Variants in BRD3 observed in about 807,000 individuals in gnomAD.
BRD3 encodes the protein bromodomain-containing protein 3.
Under a neutral mutation model 66.8 loss-of-function variants are expected in BRD3, and 17 were observed. That is an observed-to-expected ratio of 0.25 (90% CI 0.17 to 0.38). BRD3 has a LOEUF of 0.38. BRD3 is among the 10% of genes least tolerant of loss of function. BRD3 has a pLI of 1.00. For missense variants in BRD3, 713 were observed against 956.1 expected, an observed-to-expected ratio of 0.75 and a Z score of 3.35; for synonymous variants, 421 against 393.2, an observed-to-expected ratio of 1.07 and a Z score of -0.84.
chr9:134,039,598 C>T (rs1313883952), intron 9 of BRD3, among the ~76,000 whole-genome samples: 2 of 152,214 alleles, frequency 1.3e-5, no homozygotes, highest in Non-Finnish European at 2.9e-5. Context: ...CTGCATGTCC[C>T]TAGCAGACGC....
At chr9:134,048,892 A>G (rs1830232456) in intron 5 of BRD3, among the ~76,000 whole-genome samples, 1 of 152,206 alleles carries the variant, frequency 6.6e-6, no homozygotes, top group South Asian at 2.1e-4. Context: ...AGTTCCAGAC[A>G]AGGGCCTGAG....
At chr9:134,067,151 G>T (rs1207858747) in intron 1 of BRD3, among the ~76,000 whole-genome samples, 1 of 152,252 alleles carries the variant, frequency 6.6e-6, no homozygotes, top group Non-Finnish European at 1.5e-5. Flanking sequence ...AAAGTGGGAA[G>T]GAGGGGAAGC....
chr9:134,053,439 C>T lies in BRD3; in HGVS notation c.39G>A (p.Pro13=), dbSNP rs768465131. 5.0e-6 allele frequency: 8 copies of T among 1,609,838 alleles called. No homozygotes were observed. Among genetic ancestry groups the T allele is most frequent in the African/African-American group, 1.3e-5 (1 of 74,872 alleles). Residue 13 remains proline, a synonymous_variant, in exon 2 of 12, where the codon CCG becomes CCA. Transcript: ENST00000303407. The part of the protein sequence containing the change: ...TATTVAPAGI[P]ATPGPVNPPP... ...GTGGGTTCACAGGGCCCGGGGTCGC[C>T]GGGATCCCCGCGGGGGCGACTGTCG... is the stretch of plus-strand genomic sequence containing the variant.
chr9:134,042,390 C>A (rs1300494321), intron 7 of BRD3, among the ~76,000 whole-genome samples: 1 of 152,242 alleles, frequency 6.6e-6, no homozygotes, highest in Non-Finnish European at 1.5e-5. Context: ...CCGGAACTGA[C>A]TGCAGCATCA....
chr9:134,040,351 G>A, intron 8 of BRD3, 82 bp from the exon 9 acceptor site: 4 of 1,482,014 alleles, frequency 2.7e-6, no homozygotes, highest in Non-Finnish European at 3.6e-6. Flanking sequence ...ATTGGAGGGG[G>A]CTTGGGGCGA....
chr9:134,040,097 G>C lies in BRD3; in HGVS notation c.1580C>G (p.Ala527Gly). 1 of 1,584,634 alleles carries C rather than the reference G, an allele frequency of 6.3e-7. No individual in the cohort carries two copies. Among genetic ancestry groups the C allele is most frequent in the Non-Finnish European group, 8.6e-7 (1 of 1,166,530 alleles). Residue 527 changes from alanine (A) to glycine (G), a missense_variant, in exon 9 of 12, where the codon GCC becomes GGC. Physicochemically the swap from Ala to Gly is moderately conservative, Grantham distance 60 (BLOSUM62 0). Transcript: ENST00000303407. ...AGCCTTCTTCTGCTGAGCCTGCTTGGCAGGCGGAGCCACCTTGGCCTTCTT... is the reference window on the plus strand; with the variant it reads ...AGCCTTCTTCTGCTGAGCCTGCTTGCCAGGCGGAGCCACCTTGGCCTTCTT... ...EEKKAKVAPP[A>G]KQAQQKKAPA...
At chr9:134,051,501 C>A in intron 4 of BRD3, 61 bp downstream of exon 4, 1 of 1,446,942 alleles carries the variant, frequency 6.9e-7, no homozygotes. Context: ...GCGTCCCAGC[C>A]CATCCACCCG....
intron 3 of BRD3, among the ~76,000 whole-genome samples, 171 bp from the exon 4 acceptor site, chr9:134,051,880 G>GTTTTTTTTTTT (rs777755860): frequency 8.8e-6 from 1 of 113,660 alleles, no homozygotes; most frequent in African/African-American, 3.6e-5. Context: ...TGTGTGTGTT[G>GTTTTTTTTTTT]TTTTTTTTGT....
intron 3 of BRD3, among the ~76,000 whole-genome samples, 173 bp from the exon 4 acceptor site, chr9:134,051,882 TTTTTTTG>T (rs1177013478): frequency 4.9e-4 from 28 of 56,570 alleles, no homozygotes; most frequent in African/African-American, 1.3e-3. Flanking sequence ...TGTGTGTTGT[TTTTTTTG>T]TTTTTTTTTT....
Position 134,034,788 on chromosome 9 carries a change from GCTC to G in BRD3, c.1975_1977del (p.Glu659del). On this transcript the variant is annotated inframe_deletion, in exon 11 of 12. Transcript: ENST00000303407. Reference sequence around the variant, plus strand: ...AGCTCCTTCTTCTTTTCCTGAGCTAGCTCCTCTTTCGACTTGGCTGCCTGTTTC... The same window carrying G: ...AGCTCCTTCTTCTTTTCCTGAGCTAGCTCTTTCGACTTGGCTGCCTGTTTC... The G allele has an allele frequency of 6.2e-7, 1 of 1,612,228 alleles. No homozygotes were observed. Among genetic ancestry groups the G allele is most frequent in the Non-Finnish European group, 8.5e-7 (1 of 1,180,022 alleles).
chr9:134,048,720 C>T (rs1453079917), intron 5 of BRD3, among the ~76,000 whole-genome samples: 1 of 152,278 alleles, frequency 6.6e-6, no homozygotes, highest in East Asian at 1.9e-4. Flanking sequence ...ACCTCTCTCC[C>T]TTAGCCCCGA....
At chr9:134,041,182 A>G (rs73558795) in intron 8 of BRD3, among the ~76,000 whole-genome samples, 4,786 of 152,344 alleles carry the variant, frequency 0.031, 184 homozygotes, top group African/African-American at 0.084. Context: ...CTGGGGTCCC[A>G]GAAATCATGC....
Position 134,032,723 on chromosome 9 carries a change from G to A in BRD3, c.*867C>T, listed in dbSNP as rs774505694. 8.0e-4 allele frequency: 189 copies of A among 236,076 alleles called. 1 individual carries two copies. The highest frequency in any genetic ancestry group is 3.9e-3 in the Admixed American group (70 of 17,834). The allele number at this position is 236,076 out of a possible 1,614,324, so 14.6% of individuals were successfully genotyped here. ...TAACTATTTATATACACATAAGCTC[G>A]GGAAGTGGTTCCCAAGGGTGGCGCG... On this transcript the variant is annotated 3_prime_UTR_variant, in exon 12 of 12. Transcript: ENST00000303407.
chr9:134,042,685 ACAC>A (rs1210192358), intron 7 of BRD3, among the ~76,000 whole-genome samples: 2 of 135,096 alleles, frequency 1.5e-5, no homozygotes, highest in Non-Finnish European at 3.3e-5. Context: ...ATATACACAC[ACAC>A]ACATATACAC....
rs114928271 is a variant in BRD3, at chr9:134,063,943, A to C, written c.-114+4002T>G. ...TACCGGATTAACTTCTGACGAACTC[A>C]GTACCTTGGGGGCCTGCGGCAAGGA... On this transcript the variant is annotated intron_variant, in intron 1 of 11. Coordinates refer to ENST00000303407, the MANE Select transcript of BRD3 (RefSeq NM_007371.4). Among the ~76,000 whole-genome samples, 1,025 of 152,230 alleles carry C rather than the reference A, an allele frequency of 6.7e-3. 16 individuals are homozygous for C. The highest frequency in any genetic ancestry group is 0.024 in the African/African-American group (980 of 41,540).
chr9:134,032,588 G>A lies in BRD3; in HGVS notation c.*1002C>T, dbSNP rs1343893322. 2 of 230,894 alleles carry A rather than the reference G, an allele frequency of 8.7e-6. No homozygotes were observed. Among genetic ancestry groups the A allele is most frequent in the African/African-American group, 2.2e-5 (1 of 45,172 alleles). 14.3% of individuals were successfully genotyped at this position (230,894 alleles called of 1,614,324 possible). A position where few individuals can be genotyped will look rare whatever the true frequency, so the allele number is the denominator to read the frequency against. ...CAGGCCGCCGCCAGACAGGACCCGCGCCCGGCACACCACTGGCAAGGCCTG... is the reference window on the plus strand; with the variant it reads ...CAGGCCGCCGCCAGACAGGACCCGCACCCGGCACACCACTGGCAAGGCCTG... On this transcript the variant is annotated 3_prime_UTR_variant, in exon 12 of 12. Coordinates refer to ENST00000303407, the MANE Select transcript of BRD3 (RefSeq NM_007371.4).
chr9:134,034,808 G>T lies in BRD3; in HGVS notation c.1958C>A (p.Ala653Glu). The T allele has an allele frequency of 6.2e-7, 1 of 1,612,284 alleles. No homozygotes were observed. ...KPFSASGKKQ[A>E]AKSKEELAQE... ...AGCTAGCTCCTCTTTCGACTTGGCT[G>T]CCTGTTTCTTCCCGCTTGCTGCTGT... Residue 653 changes from alanine (A) to glutamate (E), a missense_variant, in exon 11 of 12, where the codon GCA becomes GAA. Ala to Glu is a moderately radical substitution (Grantham distance 107, BLOSUM62 -1). This residue lies in a region of BRD3 where 418 missense variants were observed against 609.3 expected (regional missense o/e 0.69). Coordinates refer to ENST00000303407, the MANE Select transcript of BRD3 (RefSeq NM_007371.4).
At chr9:134,059,024 C>T (rs1830484723) in intron 1 of BRD3, among the ~76,000 whole-genome samples, 1 of 152,228 alleles carries the variant, frequency 6.6e-6, no homozygotes, top group Non-Finnish European at 1.5e-5. Context: ...ACTGTATTTC[C>T]GGAACCAGAG....
At position 134,045,760 on chromosome 9, in the gene BRD3, G is replaced by A. The variant is rs1024682982; in HGVS notation, c.1087-339C>T. Among the ~76,000 whole-genome samples, 4 of 152,194 alleles carry A rather than the reference G, an allele frequency of 2.6e-5. No individual in the cohort carries two copies. Among genetic ancestry groups the A allele is most frequent in the Admixed American group, 6.5e-5 (1 of 15,282 alleles). On this transcript the variant is annotated intron_variant, in intron 6 of 11. Coordinates refer to ENST00000303407, the MANE Select transcript of BRD3 (RefSeq NM_007371.4). This position sits in a 1 kb window ranked among gnomAD's most constrained non-coding sequence, Gnocchi z 4.8. ...TCCAGAGCTTCCCTTCACACAAAGCGGGTAAATCTTCACACGCCGCCACGC... is the reference window on the plus strand; with the variant it reads ...TCCAGAGCTTCCCTTCACACAAAGCAGGTAAATCTTCACACGCCGCCACGC...
Sources: gnomAD v4.1 joint callset for allele counts (sites outside exome capture counted in the v4.1 genomes callset) on GRCh38, gnomAD v4.1.1 for gene constraint, gnomAD v4.1.1 regional missense constraint, Gnocchi (gnomAD v3.1) non-coding constraint, MANE v1.5 for transcripts, NCBI Gene and HGNC (gene_info 2026-07-23, HGNC 2026-07-21) for gene names.